Variants in KLF8 observed in about 807,000 individuals in gnomAD.
KLF8 encodes the protein Krueppel-like factor 8.
KLF8 carries 10 observed loss-of-function variants against 18.2 expected under a neutral mutation model. The observed-to-expected ratio is 0.55, with a 90% CI of 0.34 to 0.93. The LOEUF (loss-of-function observed/expected upper bound fraction) is 0.93. Among genes scored for constraint, KLF8 ranks in the 40% least tolerant of loss-of-function variants. KLF8 has a pLI of 0.02. For synonymous variants in KLF8, 109 were observed against 97.3 expected, an observed-to-expected ratio of 1.12 and a Z score of -0.71; for missense variants, 264 against 277.9, an observed-to-expected ratio of 0.95 and a Z score of 0.36.
the KLF8 span, among the ~76,000 whole-genome samples, chrX:55,946,878 A>T: frequency 8.9e-6 from 1 of 111,955 alleles, no homozygotes; most frequent in Non-Finnish European, 1.9e-5. Context: ...CAAAAAACAC[A>T]TGAGAAAATG....
chrX:56,180,266 G>T, the KLF8 span, among the ~76,000 whole-genome samples: 1 of 111,893 alleles, frequency 8.9e-6, no homozygotes, highest in Non-Finnish European at 1.9e-5. Flanking sequence ...TATTTGAGTA[G>T]AGATGTTTAT....
At chrX:56,017,851 A>C in the KLF8 span, among the ~76,000 whole-genome samples, 3 of 111,376 alleles carry the variant, frequency 2.7e-5, no homozygotes, top group Admixed American at 9.5e-5. Context: ...ATCTGACCCT[A>C]CTCCCAAATA....
At chrX:56,231,423 G>T, upstream of KLF8, among the ~76,000 whole-genome samples, 1 of 111,952 alleles carries the variant, frequency 8.9e-6, no homozygotes, top group African/African-American at 3.2e-5. Flanking sequence ...GGTTGTTATT[G>T]GGACTAAATG....
At chrX:56,255,885 G>A (rs984895339) in intron 2 of KLF8, among the ~76,000 whole-genome samples, 1 of 111,617 alleles carries the variant, frequency 9.0e-6, no homozygotes, top group African/African-American at 3.3e-5. Flanking sequence ...TGGTATCAGG[G>A]TAATACTGGC....
At chrX:56,261,293 G>A (rs73206583) in intron 2 of KLF8, among the ~76,000 whole-genome samples, 14,671 of 111,139 alleles carry the variant, frequency 0.13, 1,014 homozygotes, top group Non-Finnish European at 0.2. Context: ...AAGTTTCTTT[G>A]TTTTCTTTCA....
the KLF8 span, among the ~76,000 whole-genome samples, chrX:56,055,429 T>C: frequency 9.2e-4 from 103 of 112,117 alleles, no homozygotes; most frequent in African/African-American, 3.2e-3. Flanking sequence ...TGCTGAGAAG[T>C]TCACTGTTTG....
At chrX:56,178,844 T>C in the KLF8 span, among the ~76,000 whole-genome samples, 310 of 112,254 alleles carry the variant, frequency 2.8e-3, 4 homozygotes, top group South Asian at 0.01. Flanking sequence ...TTGGTATATA[T>C]GTCTGTTTTG....
chrX:56,188,510 G>C, the KLF8 span, among the ~76,000 whole-genome samples: 1 of 111,520 alleles, frequency 9.0e-6, no homozygotes, highest in African/African-American at 3.3e-5. Flanking sequence ...CACAGAATTG[G>C]AAAAAACTAC....
chrX:56,120,903 C>T, the KLF8 span, among the ~76,000 whole-genome samples: 4 of 111,208 alleles, frequency 3.6e-5, no homozygotes, highest in Admixed American at 9.6e-5. Flanking sequence ...CACTAAATTC[C>T]GGGCCGAACA....
chrX:56,258,079 G>A (rs1379805802), intron 2 of KLF8, among the ~76,000 whole-genome samples: 2 of 111,951 alleles, frequency 1.8e-5, no homozygotes, highest in East Asian at 2.8e-4. Context: ...TACCTTAATC[G>A]TAGCTTTTGC....
chrX:56,002,387 C>G, the KLF8 span, among the ~76,000 whole-genome samples: 1 of 105,705 alleles, frequency 9.5e-6, no homozygotes, highest in Admixed American at 1.0e-4. Context: ...TTGTAGCACA[C>G]AGAAAATTGT....
At chrX:55,945,745 G>T in the KLF8 span, among the ~76,000 whole-genome samples, 42 of 111,105 alleles carry the variant, frequency 3.8e-4, no homozygotes, top group Admixed American at 1.4e-3. Context: ...AAACCCCATT[G>T]TCTCAGCCCA....
At chrX:56,166,276 C>G in the KLF8 span, among the ~76,000 whole-genome samples, 1 of 110,828 alleles carries the variant, frequency 9.0e-6, no homozygotes, top group African/African-American at 3.3e-5. Flanking sequence ...TCAAGGTATT[C>G]TTAAGTGAAA....
chrX:56,198,123 G>A, the KLF8 span, among the ~76,000 whole-genome samples: 550 of 112,023 alleles, frequency 4.9e-3, 3 homozygotes, highest in Non-Finnish European at 7.9e-3. Flanking sequence ...CAAACCTACA[G>A]CCAATATCAT....
the KLF8 span, among the ~76,000 whole-genome samples, chrX:56,149,094 G>A: frequency 8.9e-6 from 1 of 111,974 alleles, no homozygotes; most frequent in Non-Finnish European, 1.9e-5. Flanking sequence ...GACCAGTGAA[G>A]GAGTGGTTAC....
chrX:56,076,727 CA>C, the KLF8 span, among the ~76,000 whole-genome samples: 2 of 111,772 alleles, frequency 1.8e-5, no homozygotes, highest in African/African-American at 6.5e-5. Context: ...CTGACTTCCA[CA>C]ATGGTTGAAC....
the KLF8 span, among the ~76,000 whole-genome samples, chrX:56,086,211 C>A: frequency 8.9e-6 from 1 of 111,928 alleles, no homozygotes; most frequent in Non-Finnish European, 1.9e-5. Flanking sequence ...AGAAATAATT[C>A]TATGATTGGA....
At chrX:56,080,703 T>G in the KLF8 span, among the ~76,000 whole-genome samples, 1 of 111,764 alleles carries the variant, frequency 8.9e-6, no homozygotes, top group East Asian at 2.8e-4. Flanking sequence ...CCTGCCTTGC[T>G]AGATTGGGGA....
At chrX:56,069,828 C>T in the KLF8 span, among the ~76,000 whole-genome samples, 1 of 112,331 alleles carries the variant, frequency 8.9e-6, no homozygotes, top group Non-Finnish European at 1.9e-5. Flanking sequence ...GCCCAGCAGT[C>T]CTGCTTCAGT....
Sources: gnomAD v4.1 joint callset for allele counts (sites outside exome capture counted in the v4.1 genomes callset) on GRCh38, gnomAD v4.1.1 for gene constraint, MANE v1.5 for transcripts, NCBI Gene and HGNC (gene_info 2026-07-23, HGNC 2026-07-21) for gene names.